ELF1: variants seen among roughly 807,000 people sequenced by gnomAD.
ELF1 encodes the protein ETS-related transcription factor Elf-1.
In ELF1, 24 loss-of-function variants were observed where a neutral mutation model predicts 59.9. The observed-to-expected ratio is 0.40, with a 90% confidence interval of 0.29 to 0.56. The LOEUF (loss-of-function observed/expected upper bound fraction) is 0.56. Among genes scored for constraint, ELF1 ranks in the 20% least tolerant of loss-of-function variants. ELF1 has a pLI of 0.44. For missense variants in ELF1, 627 were observed against 742.2 expected (o/e 0.84, Z 1.80); for synonymous variants, 248 against 266.2 (o/e 0.93, Z 0.67).
At chr13:41,060,851 G>A (rs1446364288) in exon 1 of ELF1, 2 of 305,572 alleles carry the variant, frequency 6.5e-6, no homozygotes, top group South Asian at 2.8e-5. Flanking sequence ...ACAAGCATAA[G>A]TGCCTCTGCC....
chr13:41,039,566 T>G (rs1024067793), intron 1 of ELF1, among the ~76,000 whole-genome samples: 22 of 152,164 alleles, frequency 1.4e-4, no homozygotes, highest in African/African-American at 5.3e-4. Flanking sequence ...CATCAAAAGA[T>G]TGACCAATTA....
intron 1 of ELF1, among the ~76,000 whole-genome samples, chr13:40,988,997 T>C (rs576214974): frequency 6.6e-6 from 1 of 152,272 alleles, no homozygotes; most frequent in South Asian, 2.1e-4. Flanking sequence ...AGTGTCTCAC[T>C]ATGTTGCCCA....
upstream of ELF1, among the ~76,000 whole-genome samples, chr13:41,022,938 AAAGAAAGG>A (rs1214891955): frequency 6.6e-6 from 1 of 152,174 alleles, no homozygotes; most frequent in African/African-American, 2.4e-5. Context: ...GAACAGAAAG[AAAGAAAGG>A]AAGGGAGGAA....
intron 2 of ELF1, 74 bp downstream of exon 2, chr13:40,981,909 G>T: frequency 6.7e-7 from 1 of 1,495,366 alleles, no homozygotes; most frequent in Non-Finnish European, 9.0e-7. Context: ...GTCTTTTAAA[G>T]GAAATAATTT....
chr13:41,023,695 G>GTAC (rs1875774549), upstream of ELF1, among the ~76,000 whole-genome samples: 1 of 152,176 alleles, frequency 6.6e-6, no homozygotes, highest in African/African-American at 2.4e-5. Flanking sequence ...TAACTAGGTG[G>GTAC]TACTTTTTAC....
intron 2 of ELF1, among the ~76,000 whole-genome samples, chr13:40,974,256 T>TACTA (rs145008133): frequency 0.012 from 1,829 of 152,316 alleles, 24 homozygotes; most frequent in East Asian, 0.05. Context: ...CCTGTAATTA[T>TACTA]ACTAATTAGC....
intron 3 of ELF1, among the ~76,000 whole-genome samples, chr13:40,955,450 G>C (rs113217049): frequency 9.2e-6 from 1 of 108,396 alleles, no homozygotes; most frequent in Non-Finnish European, 2.1e-5. Context: ...CCGGCCAGCC[G>C]CCCCGTCCGG....
chr13:40,949,752 C>T, intron 5 of ELF1, 54 bp downstream of exon 5: 5 of 1,582,150 alleles, frequency 3.2e-6, no homozygotes, highest in Non-Finnish European at 4.3e-6. Context: ...AAAGTGATAT[C>T]TAGATTTCAC....
chr13:40,984,056 A>C (rs966176217), intron 1 of ELF1, among the ~76,000 whole-genome samples: 3 of 152,232 alleles, frequency 2.0e-5, no homozygotes, highest in African/African-American at 7.2e-5. Context: ...ATTGTAGTAC[A>C]TTGTCTTACA....
rs140783386 is a variant in ELF1, at chr13:40,991,064, C to G, written c.-228-8782G>C. Among the ~76,000 whole-genome samples the G allele has an allele frequency of 5.7e-3, 862 of 152,136 alleles. 7 individuals carry two copies. Among genetic ancestry groups the G allele is most frequent in the South Asian group, 0.013 (65 of 4,820 alleles). ...TTGTGTTCTTCCAAAAACCAAAAAC[C>G]CATGTCTAGTCATGAGGAAAACATC... On this transcript the variant is annotated intron_variant, in intron 1 of 8. Coordinates refer to ENST00000239882, the MANE Select transcript of ELF1 (RefSeq NM_172373.4).
At chr13:41,010,278 GGA>G (rs1491339190) in intron 1 of ELF1, among the ~76,000 whole-genome samples, 1 of 124,990 alleles carries the variant, frequency 8.0e-6, no homozygotes, top group East Asian at 2.2e-4. Flanking sequence ...AAGAAAGAAA[GGA>G]AAAAAAAAAA....
intron 1 of ELF1, among the ~76,000 whole-genome samples, chr13:41,015,002 C>A (rs895460602): frequency 2.6e-5 from 4 of 151,866 alleles, no homozygotes; most frequent in Admixed American, 1.3e-4. Flanking sequence ...TGCCCTCCCC[C>A]CAAAAAAAGA....
At chr13:40,950,173 T>C (rs1870763016) in intron 4 of ELF1, among the ~76,000 whole-genome samples, 200 bp from the exon 5 acceptor site, 1 of 152,194 alleles carries the variant, frequency 6.6e-6, no homozygotes, top group African/African-American at 2.4e-5. Flanking sequence ...TTCAATGTCT[T>C]TCTTACTTGA....
At chr13:41,021,179 AAAAG>A (rs1302595283), upstream of ELF1, among the ~76,000 whole-genome samples, 1 of 152,360 alleles carries the variant, frequency 6.6e-6, no homozygotes, top group East Asian at 1.9e-4. Context: ...ACAGGTATCT[AAAAG>A]GATAAGCTTC....
intron 5 of ELF1, 132 bp from the exon 6 acceptor site, chr13:40,944,057 T>C: frequency 1.4e-6 from 1 of 732,896 alleles, no homozygotes; most frequent in Non-Finnish European, 2.2e-6. Context: ...TATACAGGTC[T>C]CTTAAAATGC....
intron 1 of ELF1, among the ~76,000 whole-genome samples, chr13:40,990,895 T>C (rs1485171522): frequency 7.0e-6 from 1 of 142,772 alleles, no homozygotes; most frequent in Non-Finnish European, 1.5e-5. Context: ...TGGAGAAACA[T>C]AATAGATGCT....
chr13:41,001,653 G>T (rs546812784), intron 1 of ELF1, among the ~76,000 whole-genome samples: 1 of 152,124 alleles, frequency 6.6e-6, no homozygotes, highest in African/African-American at 2.4e-5. Context: ...TGCCCTCATA[G>T]GGCTTAGAAT....
chr13:40,994,949 T>C (rs1302240910), intron 1 of ELF1, among the ~76,000 whole-genome samples: 8 of 152,290 alleles, frequency 5.3e-5, no homozygotes, highest in Non-Finnish European at 8.8e-5. Context: ...CTGGCACTGA[T>C]TGGGGGTGAA....
rs1162703216 is a variant in ELF1 at position 41,060,947 on chromosome 13, T to TGCTGCCGCC, written c.-339_-338insGGCGGCAGC. 2.9e-5 allele frequency: 9 copies of TGCTGCCGCC among 311,582 alleles called. 1 individual carries two copies. The East Asian group carries it at 7.7e-4, about 27-fold the overall frequency. 19.3% of individuals were successfully genotyped at this position (311,582 alleles called of 1,614,324 possible). A position where few individuals can be genotyped will look rare whatever the true frequency, so the allele number is the denominator to read the frequency against. Reference sequence around the variant, plus strand: ...CCGCCGCCGCCGCCGCCGCCGCCGCTGCTGCTGCCCACACGCTCCCGAGCT... The same window carrying TGCTGCCGCC: ...CCGCCGCCGCCGCCGCCGCCGCCGCTGCTGCCGCCGCTGCTGCCCACACGCTCCCGAGCT... On this transcript the variant is annotated 5_prime_UTR_variant, in exon 1 of 2. Coordinates refer to the ELF1 transcript ENST00000405737.
Sources: gnomAD v4.1 joint callset for allele counts (sites outside exome capture counted in the v4.1 genomes callset) on GRCh38, gnomAD v4.1.1 for gene constraint, MANE v1.5 for transcripts, NCBI Gene and HGNC (gene_info 2026-07-23, HGNC 2026-07-21) for gene names.